The following SHC4 variants were observed in gnomAD, a reference collection of about 807,000 sequenced individuals.
SHC4 encodes SHC adaptor protein 4, also known as SHC-transforming protein 4.
A neutral mutation model predicts 69.4 loss-of-function variants in SHC4; 41 were observed. That is an observed-to-expected ratio of 0.59 (90% CI 0.46 to 0.77). SHC4 has a LOEUF of 0.77. SHC4 is among the 30% of genes least tolerant of loss of function. The pLI, the probability that SHC4 is intolerant of heterozygous loss-of-function variation, is 0.00. For synonymous variants in SHC4, 318 were observed against 299.3 expected, an observed-to-expected ratio of 1.06 and a Z score of -0.64; for missense variants, 777 against 783.8, an observed-to-expected ratio of 0.99 and a Z score of 0.10.
chr15:48,867,667 T>TA (rs1401169854), intron 6 of SHC4, 151 bp downstream of exon 6: 1 of 598,514 alleles, frequency 1.7e-6, no homozygotes, highest in Admixed American at 3.5e-5. Context: ...CAGGGCAATT[T>TA]ATTTCCAACT....
intron 2 of SHC4, among the ~76,000 whole-genome samples, chr15:48,910,662 CTGTT>C (rs1201408720): frequency 6.6e-6 from 1 of 151,934 alleles, no homozygotes; most frequent in African/African-American, 2.4e-5. Context: ...TTTAGATTGT[CTGTT>C]TGTGCTCTTT....
At chr15:48,842,590 C>T (rs1452665227) in intron 10 of SHC4, among the ~76,000 whole-genome samples, 2 of 152,090 alleles carry the variant, frequency 1.3e-5, no homozygotes, top group South Asian at 2.1e-4. Flanking sequence ...AGAAAATAGC[C>T]TTCTTGAAAT....
At chr15:48,854,451 C>G (rs911127082) in intron 8 of SHC4, among the ~76,000 whole-genome samples, 1 of 152,174 alleles carries the variant, frequency 6.6e-6, no homozygotes, top group Non-Finnish European at 1.5e-5. Context: ...TTTGACCCAG[C>G]AATCCCAACT....
At chr15:48,874,284 T>C (rs1454618630) in intron 4 of SHC4, among the ~76,000 whole-genome samples, 1 of 152,158 alleles carries the variant, frequency 6.6e-6, no homozygotes, top group Non-Finnish European at 1.5e-5. Flanking sequence ...TAGTCTATGA[T>C]AAATCTGACA....
intron 10 of SHC4, among the ~76,000 whole-genome samples, chr15:48,836,682 T>C (rs1755304240): frequency 6.6e-6 from 1 of 152,174 alleles, no homozygotes; most frequent in Admixed American, 6.5e-5. Context: ...GACTATGAGT[T>C]TGTATGACTA....
chr15:48,855,774 G>C (rs966378099), intron 8 of SHC4, among the ~76,000 whole-genome samples, 179 bp downstream of exon 8: 6 of 152,048 alleles, frequency 3.9e-5, no homozygotes, highest in Non-Finnish European at 2.9e-5. Context: ...GGCTACAATT[G>C]GGGGATTAGG....
In SHC4 at chr15:48,825,929, T is replaced by C. The variant is rs769255027; in HGVS notation, c.*42A>G. ...ATTATCTTTGTGTCCTAATACAAAATGGGGTTTCTTGAAATATCAGTGTGA... is the reference window on the plus strand; with the variant it reads ...ATTATCTTTGTGTCCTAATACAAAACGGGGTTTCTTGAAATATCAGTGTGA... On this transcript the variant is annotated 3_prime_UTR_variant, in exon 12 of 12. Coordinates refer to ENST00000332408, the MANE Select transcript of SHC4 (RefSeq NM_203349.4). The C allele has an allele frequency of 1.0e-5, 16 of 1,590,456 alleles. No individual in the cohort carries two copies. Among genetic ancestry groups the C allele is most frequent in the South Asian group, 5.8e-5 (5 of 86,922 alleles).
At chr15:48,859,151 A>T (rs977285798) in intron 6 of SHC4, among the ~76,000 whole-genome samples, 2 of 152,218 alleles carry the variant, frequency 1.3e-5, no homozygotes, top group Admixed American at 1.3e-4. Flanking sequence ...CACATCTAAC[A>T]GAATTTGTAG....
At chr15:48,928,063 G>C (rs563798896) in intron 1 of SHC4, among the ~76,000 whole-genome samples, 3 of 152,244 alleles carry the variant, frequency 2.0e-5, no homozygotes, top group African/African-American at 7.2e-5. Flanking sequence ...TACAATGAGT[G>C]GGGGCTAGGG....
chr15:48,912,652 G>A (rs554457365), intron 2 of SHC4, among the ~76,000 whole-genome samples: 11 of 152,236 alleles, frequency 7.2e-5, no homozygotes, highest in Non-Finnish European at 1.2e-4. Context: ...TTTTTGGGTG[G>A]TGTTGAAGAG....
At chr15:48,862,604 C>T (rs1277851003) in intron 6 of SHC4, among the ~76,000 whole-genome samples, 1 of 152,176 alleles carries the variant, frequency 6.6e-6, no homozygotes, top group Non-Finnish European at 1.5e-5. Flanking sequence ...CTCTGCTCAT[C>T]TCCACTTCCT....
rs1383830712 is a variant in SHC4, at chr15:48,940,054, G to T, written c.586-15105C>A. 3.3e-5 allele frequency among the ~76,000 whole-genome samples: 5 copies of T among 152,324 alleles called. No individual in the cohort carries two copies. The East Asian group carries it at 9.7e-4, about 29-fold the overall frequency. On this transcript the variant is annotated intron_variant, in intron 1 of 11. Coordinates refer to ENST00000332408, the MANE Select transcript of SHC4 (RefSeq NM_203349.4). ...CCCAGACACAGATGCTGACAAGGTT[G>T]CTCTAGGTGTCTGCTAAGAACACCT...
intron 2 of SHC4, among the ~76,000 whole-genome samples, chr15:48,903,320 A>C (rs1398785928): frequency 6.6e-6 from 1 of 152,148 alleles, no homozygotes; most frequent in East Asian, 1.9e-4. Flanking sequence ...TACCAATGAA[A>C]AGACTATCTC....
intron 2 of SHC4, among the ~76,000 whole-genome samples, chr15:48,923,026 T>C (rs1409980388): frequency 6.6e-6 from 1 of 152,204 alleles, no homozygotes; most frequent in Non-Finnish European, 1.5e-5. Context: ...GCCTCTGCCA[T>C]GTGCCAGTGA....
At chr15:48,935,229 A>G (rs573238582) in intron 1 of SHC4, among the ~76,000 whole-genome samples, 2 of 152,348 alleles carry the variant, frequency 1.3e-5, no homozygotes, top group South Asian at 4.1e-4. Context: ...ATGAGGCATC[A>G]GCAGTGACTA....
At chr15:48,924,854 G>A (rs1398821362) in intron 2 of SHC4, 25 bp downstream of exon 2, 20 of 1,611,460 alleles carry the variant, frequency 1.2e-5, no homozygotes, top group Non-Finnish European at 1.6e-5. Context: ...ACTCCTCAAA[G>A]CCCCTCCCAT....
chr15:48,911,701 TA>T (rs1441888545), intron 2 of SHC4, among the ~76,000 whole-genome samples: 1 of 152,196 alleles, frequency 6.6e-6, no homozygotes, highest in Non-Finnish European at 1.5e-5. Context: ...CTGTGTGATT[TA>T]TGCTTTAAAG....
chr15:48,950,125 A>G (rs1901343352), intron 1 of SHC4, among the ~76,000 whole-genome samples: 1 of 144,164 alleles, frequency 6.9e-6, no homozygotes, highest in Non-Finnish European at 1.5e-5. Flanking sequence ...ATATAATAAT[A>G]TGTGTTTATT....
chr15:48,945,321 G>GAAA (rs941370255), intron 1 of SHC4, among the ~76,000 whole-genome samples: 1 of 131,202 alleles, frequency 7.6e-6, no homozygotes, highest in African/African-American at 2.8e-5. Flanking sequence ...ATTTCCATCA[G>GAAA]AAAAAAAAAA....
Sources: allele counts gnomAD v4.1 joint callset (sites outside exome capture counted in the v4.1 genomes callset), GRCh38; gene constraint gnomAD v4.1.1; transcripts MANE v1.5; gene names NCBI Gene and HGNC (gene_info 2026-07-23, HGNC 2026-07-21).